Variants in ANOS1 observed in about 807,000 individuals in gnomAD.
The protein encoded by ANOS1 is anosmin-1.
Under a neutral mutation model 59.0 loss-of-function variants are expected in ANOS1, and 6 were observed. The observed-to-expected ratio is 0.10, with a 90% CI of 0.06 to 0.20. The LOEUF is 0.20. Ranked by LOEUF, ANOS1 falls within the 10% of genes least tolerant of loss-of-function variation. The pLI is 1.00. For synonymous variants in ANOS1, 217 were observed against 223.4 expected (o/e 0.97, Z 0.25); for missense variants, 433 against 542.3 (o/e 0.80, Z 2.00).
At chrX:8,661,822 G>T (rs5933677) in intron 2 of ANOS1, among the ~76,000 whole-genome samples, 1 of 109,977 alleles carries the variant, frequency 9.1e-6, no homozygotes, top group South Asian at 3.9e-4. Flanking sequence ...ACAGCATCGC[G>T]TTTCAACTAG....
chrX:8,634,635 A>C (rs1452512820), intron 2 of ANOS1, among the ~76,000 whole-genome samples: 2 of 112,237 alleles, frequency 1.8e-5, no homozygotes, highest in Non-Finnish European at 3.8e-5. Flanking sequence ...GATTTAGATG[A>C]AAAGTATATG....
intron 3 of ANOS1, among the ~76,000 whole-genome samples, chrX:8,597,658 C>CTTTTTT (rs35836743): frequency 1.2e-4 from 3 of 25,146 alleles, no homozygotes; most frequent in East Asian, 2.0e-3. Flanking sequence ...TTCTTTCTCC[C>CTTTTTT]TTTTTTTTTT....
intron 2 of ANOS1, among the ~76,000 whole-genome samples, chrX:8,678,987 C>T (rs1037423835): frequency 1.8e-5 from 2 of 111,682 alleles, no homozygotes; most frequent in Non-Finnish European, 3.8e-5. Context: ...AGCACCCAAA[C>T]TCCACGGCTC....
At chrX:8,561,282 T>A (rs1265056169) in intron 8 of ANOS1, among the ~76,000 whole-genome samples, 2 of 111,587 alleles carry the variant, frequency 1.8e-5, no homozygotes, top group Non-Finnish European at 3.8e-5. Flanking sequence ...TAACTGAGAA[T>A]CATTTATTTT....
Position 8,600,188 on chromosome X carries a change from A to G in ANOS1, c.319-2932T>C, listed in dbSNP as rs553298107. Among the ~76,000 whole-genome samples, 5 of 112,619 alleles carry G rather than the reference A, an allele frequency of 4.4e-5. No individual in the cohort carries two copies. The South Asian group carries it at 1.8e-3, about 41-fold the overall frequency. ...CATTTTACCACAATTTTAAAAAAAC[A>G]CTGTGAAAGAGACAGAAAATTTTTA... On this transcript the variant is annotated intron_variant, in intron 3 of 13. Transcript: ENST00000262648.
At position 8,531,882 on chromosome X, in the gene ANOS1, G is replaced by A. The variant is rs750288526; in HGVS notation, c.*1113C>T. 2.8e-4 allele frequency: 31 copies of A among 111,689 alleles called. No individual in the cohort carries two copies. In the South Asian group the frequency reaches 6.3e-3, roughly 23 times the overall value. The allele number at this position is 111,689 out of a possible 1,213,427, so 9.2% of individuals were successfully genotyped here. On this transcript the variant is annotated 3_prime_UTR_variant, in exon 14 of 14. Coordinates refer to ENST00000262648, the MANE Select transcript of ANOS1 (RefSeq NM_000216.4). ...CTGCAACACTCTATATTGATAACACGTTTTGACTTAAGTTCATGCTACAAG... is the reference window on the plus strand; with the variant it reads ...CTGCAACACTCTATATTGATAACACATTTTGACTTAAGTTCATGCTACAAG...
chrX:8,731,418 G>A (rs1175768298), intron 1 of ANOS1, among the ~76,000 whole-genome samples: 2 of 111,476 alleles, frequency 1.8e-5, no homozygotes, highest in African/African-American at 3.3e-5. Flanking sequence ...AGGCGCAGCC[G>A]GACGCGCCTC....
Position 8,718,093 on chromosome X carries a change from C to G in ANOS1, c.207+13737G>C, listed in dbSNP as rs188867188. The stretch of plus-strand genomic sequence containing the variant: ...TAAATAAATAAAATAAATAAAAATT[C>G]AAAATTTAAAAAATAAATGATTAAG... On this transcript the variant is annotated intron_variant, in intron 1 of 13. Transcript: ENST00000262648. 8.9e-4 allele frequency among the ~76,000 whole-genome samples: 99 copies of G among 110,987 alleles called. 1 individual carries two copies. The highest frequency in any genetic ancestry group is 3.1e-3 in the African/African-American group (95 of 30,555).
chrX:8,636,621 G>A (rs1261029108), intron 2 of ANOS1, among the ~76,000 whole-genome samples: 1 of 111,877 alleles, frequency 8.9e-6, no homozygotes, highest in Admixed American at 9.5e-5. Flanking sequence ...TCTGATAGAA[G>A]GAGCTTGTAA....
intron 2 of ANOS1, among the ~76,000 whole-genome samples, chrX:8,681,900 C>T (rs1253717799): frequency 3.6e-5 from 4 of 111,394 alleles, no homozygotes; most frequent in Admixed American, 1.9e-4. Flanking sequence ...GGGGAGAAAT[C>T]CAGAAGTAAT....
intron 4 of ANOS1, among the ~76,000 whole-genome samples, chrX:8,594,964 C>T (rs376309494): frequency 2.8e-5 from 3 of 106,833 alleles, no homozygotes; most frequent in East Asian, 3.0e-4. Flanking sequence ...CACCTGGTTT[C>T]GTTAAACGTA....
At chrX:8,698,074 T>C (rs1218123975) in intron 2 of ANOS1, among the ~76,000 whole-genome samples, 2 of 112,139 alleles carry the variant, frequency 1.8e-5, no homozygotes, top group African/African-American at 6.5e-5. Context: ...TTCCCAAGGA[T>C]CCCAAGTTAA....
At chrX:8,631,310 C>T (rs1472333002) in intron 2 of ANOS1, among the ~76,000 whole-genome samples, 1 of 112,109 alleles carries the variant, frequency 8.9e-6, no homozygotes. Context: ...CTAACTATAA[C>T]CACAGTATCA....
intron 2 of ANOS1, among the ~76,000 whole-genome samples, chrX:8,627,283 T>A (rs1237833737): frequency 8.9e-6 from 1 of 112,750 alleles, no homozygotes; most frequent in Non-Finnish European, 1.9e-5. Context: ...TTTTCACAAC[T>A]ATAGATATCG....
chrX:8,651,185 T>A (rs184762413), intron 2 of ANOS1, among the ~76,000 whole-genome samples: 109 of 112,325 alleles, frequency 9.7e-4, no homozygotes, highest in African/African-American at 3.4e-3. Flanking sequence ...GCCTAGCCCA[T>A]GCTAGGACCT....
chrX:8,668,787 C>G (rs1236632795), intron 2 of ANOS1, among the ~76,000 whole-genome samples: 2 of 110,179 alleles, frequency 1.8e-5, no homozygotes, highest in African/African-American at 6.6e-5. Flanking sequence ...CAGAATACCA[C>G]TGACCCAAGA....
intron 3 of ANOS1, among the ~76,000 whole-genome samples, chrX:8,603,005 C>T (rs942767461): frequency 4.7e-4 from 53 of 112,003 alleles, no homozygotes; most frequent in Non-Finnish European, 2.4e-4. Context: ...TCCCAAAGTG[C>T]TGGGATTACA....
In ANOS1 at chrX:8,731,815, G is replaced by A; in HGVS notation, c.207+15C>T. The A allele has an allele frequency of 8.5e-7, 1 of 1,183,191 alleles. No individual in the cohort carries two copies. Among genetic ancestry groups the A allele is most frequent in the Non-Finnish European group, 1.1e-6 (1 of 881,704 alleles). Reference sequence around the variant, plus strand: ...CGCAGCCCCAGAAAGAACCCGGGCGGGGGCCTCCCCGTACCTGGAAGTGCT... The same window carrying A: ...CGCAGCCCCAGAAAGAACCCGGGCGAGGGCCTCCCCGTACCTGGAAGTGCT... On this transcript the variant is annotated intron_variant, in intron 1 of 13. Transcript: ENST00000262648.
intron 2 of ANOS1, among the ~76,000 whole-genome samples, chrX:8,674,387 G>A (rs978163471): frequency 4.5e-5 from 5 of 111,805 alleles, no homozygotes; most frequent in South Asian, 3.7e-4. Flanking sequence ...ATCCAGTGAC[G>A]TCAGACTTAT....
Sources: gnomAD v4.1 joint callset for allele counts (sites outside exome capture counted in the v4.1 genomes callset) on GRCh38, gnomAD v4.1.1 for gene constraint, MANE v1.5 for transcripts, NCBI Gene and HGNC (gene_info 2026-07-23, HGNC 2026-07-21) for gene names.